Variants in ADGRD1 observed in about 807,000 individuals in gnomAD.
The protein encoded by ADGRD1 is adhesion G protein-coupled receptor D1.
ADGRD1 carries 77 observed loss-of-function variants against 113.4 expected under a neutral mutation model. The observed-to-expected ratio is 0.68, with a 90% CI of 0.57 to 0.82. ADGRD1 has a LOEUF of 0.82. Among genes scored for constraint, ADGRD1 ranks in the 40% least tolerant of loss-of-function variants. The pLI is 0.00. For missense variants in ADGRD1, 1,036 were observed against 1,139.1 expected (o/e 0.91, Z 1.30); for synonymous variants, 474 against 475.0 (o/e 1.00, Z 0.03).
intron 13 of ADGRD1, among the ~76,000 whole-genome samples, chr12:131,066,489 C>T (rs34054742): frequency 0.089 from 13,623 of 152,234 alleles, 838 homozygotes; most frequent in Non-Finnish European, 0.13. Flanking sequence ...CCCTCCCTAC[C>T]GCAGGCCACC....
chr12:131,069,841 A>G (rs1885014479), intron 13 of ADGRD1: 1 of 152,252 alleles, frequency 6.6e-6, no homozygotes, highest in African/African-American at 2.4e-5. Flanking sequence ...AGACAACTGT[A>G]TAAAAACGTT....
At chr12:131,044,083 G>A (rs1293266866) in intron 13 of ADGRD1, among the ~76,000 whole-genome samples, 3 of 152,158 alleles carry the variant, frequency 2.0e-5, no homozygotes, top group Non-Finnish European at 4.4e-5. Context: ...AGAAATAGAG[G>A]TTCTAATTGG....
chr12:131,067,166 G>C (rs1353962509), intron 13 of ADGRD1, among the ~76,000 whole-genome samples: 1 of 152,162 alleles, frequency 6.6e-6, no homozygotes, highest in East Asian at 1.9e-4. Flanking sequence ...GCATGACTCT[G>C]GGACAGTCCA....
chr12:131,067,258 T>C (rs1884795205), intron 13 of ADGRD1, among the ~76,000 whole-genome samples: 1 of 152,112 alleles, frequency 6.6e-6, no homozygotes, highest in Non-Finnish European at 1.5e-5. Context: ...GAAGCTGCAT[T>C]GGTGGTGGTA....
intron 8 of ADGRD1, among the ~76,000 whole-genome samples, chr12:130,996,950 C>T (rs891789597): frequency 1.5e-5 from 2 of 132,394 alleles, no homozygotes; most frequent in African/African-American, 2.9e-5. Context: ...GGTGGCTGGC[C>T]GGGTGGGGGG....
chr12:131,112,791 G>C (rs965371760), intron 18 of ADGRD1, among the ~76,000 whole-genome samples: 1 of 152,194 alleles, frequency 6.6e-6, no homozygotes, highest in African/African-American at 2.4e-5. Flanking sequence ...GGGGGAAATC[G>C]CTTCGAATCT....
chr12:131,123,264 C>CT (rs1391051890), intron 20 of ADGRD1, among the ~76,000 whole-genome samples: 3 of 151,322 alleles, frequency 2.0e-5, no homozygotes, highest in East Asian at 4.1e-4. Flanking sequence ...AGGCTGGTCT[C>CT]TAACTCCTGA....
intron 13 of ADGRD1, chr12:131,024,671 C>T (rs1051399166): frequency 6.6e-6 from 1 of 152,226 alleles, no homozygotes; most frequent in African/African-American, 2.4e-5. Context: ...TGGACTGCGT[C>T]GTCTAGCTTT....
intron 13 of ADGRD1, among the ~76,000 whole-genome samples, chr12:131,034,072 C>T (rs529403731): frequency 6.6e-6 from 1 of 152,322 alleles, no homozygotes; most frequent in East Asian, 1.9e-4. Context: ...CCCCCAGCTG[C>T]ACACAGCAGC....
Position 130,987,148 on chromosome 12 carries a change from GTC to G in ADGRD1, c.546_547del (p.Tyr183ArgfsTer9). ...ATGGAAATCCAAGGAGGGCCTGAAA[GTC>G]TACGTCAACGGGACCCTGAGCACCT... is the stretch of plus-strand genomic sequence containing the variant. ...FTWKSKEGLK[V>X]YVNGTLSTSD... On this transcript the variant is annotated frameshift_variant, in exon 6 of 25. Coordinates refer to ENST00000261654, the MANE Select transcript of ADGRD1 (RefSeq NM_198827.5). LOFTEE classifies it high-confidence loss of function. The G allele has an allele frequency of 1.2e-6, 2 of 1,614,106 alleles. No homozygotes were observed. Among genetic ancestry groups the G allele is most frequent in the African/African-American group, 2.7e-5 (2 of 75,062 alleles).
chr12:130,976,851 G>C (rs1872373929), intron 4 of ADGRD1: 1 of 149,088 alleles, frequency 6.7e-6, no homozygotes, highest in South Asian at 2.1e-4. Flanking sequence ...GGAAGACCCT[G>C]TCTCAATGAA....
intron 20 of ADGRD1, among the ~76,000 whole-genome samples, chr12:131,125,042 C>T (rs1214653893): frequency 1.3e-5 from 2 of 152,222 alleles, no homozygotes; most frequent in African/African-American, 4.8e-5. Context: ...TCCCTGTGTC[C>T]TCACATGCTT....
intron 13 of ADGRD1, among the ~76,000 whole-genome samples, chr12:131,048,475 CG>C (rs1566064239): frequency 6.6e-6 from 1 of 152,152 alleles, no homozygotes. Context: ...CCATCTTTCC[CG>C]GGTTTGAGCC....
intron 2 of ADGRD1, among the ~76,000 whole-genome samples, chr12:130,956,022 C>T (rs1001465075): frequency 4.6e-5 from 7 of 152,228 alleles, no homozygotes; most frequent in East Asian, 1.9e-4. Flanking sequence ...CTCCTGACCT[C>T]GGGTGATCCA....
In ADGRD1 at chr12:131,141,097, A is replaced by G. The variant is rs1472162088; in HGVS notation, c.*1834A>G. On this transcript the variant is annotated 3_prime_UTR_variant, in exon 25 of 25. Coordinates refer to ENST00000261654, the MANE Select transcript of ADGRD1 (RefSeq NM_198827.5). ...CTAGAAGTGAGAACACTGTATTCCT[A>G]CAATGTACACTTGGATATTTCTCCT... 6.6e-6 allele frequency: 1 copy of G among 152,252 alleles called. No individual in the cohort carries two copies. Among genetic ancestry groups the G allele is most frequent in the African/African-American group, 2.4e-5 (1 of 41,468 alleles). 9.4% of individuals were successfully genotyped at this position (152,252 alleles called of 1,614,324 possible). A position where few individuals can be genotyped will look rare whatever the true frequency, so the allele number is the denominator to read the frequency against.
intron 20 of ADGRD1, among the ~76,000 whole-genome samples, chr12:131,122,651 T>C (rs1351602088): frequency 6.6e-6 from 1 of 152,008 alleles, no homozygotes; most frequent in Non-Finnish European, 1.5e-5. Context: ...GTGGGAAGGG[T>C]AAGTTGTATT....
intron 13 of ADGRD1, among the ~76,000 whole-genome samples, chr12:131,018,827 G>A (rs1481452596): frequency 1.3e-5 from 2 of 152,070 alleles, no homozygotes; most frequent in African/African-American, 4.8e-5. Context: ...TTCTCAGTAC[G>A]CTCAGTCATT....
intron 13 of ADGRD1, among the ~76,000 whole-genome samples, chr12:131,021,547 CGA>C (rs1566037625): frequency 6.6e-6 from 1 of 152,060 alleles, no homozygotes; most frequent in African/African-American, 2.4e-5. Context: ...GGCTACCAAG[CGA>C]GAGACATTTA....
In ADGRD1 at chr12:131,139,491, G is replaced by A. The variant is rs3741459; in HGVS notation, c.*228G>A. On this transcript the variant is annotated 3_prime_UTR_variant, in exon 25 of 25. Coordinates refer to ENST00000261654, the MANE Select transcript of ADGRD1 (RefSeq NM_198827.5). Reference sequence around the variant, plus strand: ...GGGCCCTCCTGCCTTGCATCCACCCGTGGGCTGAGTGACTTCCTCGGGGGA... The same window carrying A: ...GGGCCCTCCTGCCTTGCATCCACCCATGGGCTGAGTGACTTCCTCGGGGGA... The A allele has an allele frequency of 4.3e-3, 2,252 of 518,726 alleles. 74 individuals are homozygous for A. In the East Asian group the frequency reaches 0.062, roughly 14 times the overall value. The allele number at this position is 518,726 out of a possible 1,614,324, so 32.1% of individuals were successfully genotyped here. A position where few individuals can be genotyped will look rare whatever the true frequency, so the allele number is the denominator to read the frequency against.
Sources: allele counts gnomAD v4.1 joint callset (sites outside exome capture counted in the v4.1 genomes callset), GRCh38; gene constraint gnomAD v4.1.1; transcripts MANE v1.5; gene names NCBI Gene and HGNC (gene_info 2026-07-23, HGNC 2026-07-21).